RGS9: variants seen among roughly 807,000 people sequenced by gnomAD.
The protein encoded by RGS9 is regulator of G-protein signalling 9.
A neutral mutation model predicts 102.0 loss-of-function variants in RGS9; 78 were observed. That is an observed-to-expected ratio of 0.76 (90% confidence interval 0.64 to 0.92). The LOEUF is 0.92. Among genes scored for constraint, RGS9 ranks in the 40% least tolerant of loss-of-function variants. The pLI is 0.00. For synonymous variants in RGS9, 353 were observed against 318.6 expected (o/e 1.11, Z -1.15); for missense variants, 833 against 866.1 (o/e 0.96, Z 0.48).
intron 17 of RGS9, among the ~76,000 whole-genome samples, chr17:65,220,576 G>A (rs776003064): frequency 1.3e-5 from 2 of 152,196 alleles, no homozygotes; most frequent in Admixed American, 1.3e-4. Context: ...GCTTGGGGGC[G>A]GTGGGGAAGG....
intron 17 of RGS9, among the ~76,000 whole-genome samples, chr17:65,220,551 TA>T (rs987203683): frequency 2.0e-5 from 3 of 152,174 alleles, no homozygotes; most frequent in African/African-American, 7.2e-5. Flanking sequence ...CCCATGGGGC[TA>T]ACTTTGCACA....
intron 1 of RGS9, 91 bp from the exon 2 acceptor site, chr17:65,153,331 T>G: frequency 1.8e-6 from 2 of 1,108,260 alleles, no homozygotes; most frequent in Non-Finnish European, 2.8e-6. Flanking sequence ...CACCTTTGCA[T>G]TTTGAGGTCC....
intron 1 of RGS9, among the ~76,000 whole-genome samples, chr17:65,141,649 C>G (rs906312654): frequency 1.3e-5 from 2 of 152,100 alleles, no homozygotes; most frequent in African/African-American, 2.4e-5. Flanking sequence ...AACAAGGAGA[C>G]AAGAAGTGTT....
At chr17:65,210,344 C>G (rs983358394) in intron 16 of RGS9, 144 bp from the exon 17 acceptor site, 1 of 1,008,038 alleles carries the variant, frequency 9.9e-7, no homozygotes, top group East Asian at 2.4e-5. Flanking sequence ...CAAGGTTGGA[C>G]CCCACTGGAG....
At chr17:65,178,738 C>G (rs1911742868) in intron 9 of RGS9, among the ~76,000 whole-genome samples, 3 of 152,186 alleles carry the variant, frequency 2.0e-5, no homozygotes, top group Admixed American at 2.0e-4. Flanking sequence ...CTCCTGGGCT[C>G]AAGCAGTCCT....
chr17:65,225,404 C>A lies in RGS9; in HGVS notation c.1810C>A (p.Pro604Thr), dbSNP rs1279802548. 1 of 1,611,264 alleles carries A rather than the reference C, an allele frequency of 6.2e-7. No homozygotes were observed. The highest frequency in any genetic ancestry group is 8.5e-7 in the Non-Finnish European group (1 of 1,180,050). Residue 604 changes from proline to threonine, a missense_variant, in exon 18 of 19, where the codon CCT (proline) becomes ACT (threonine). This residue lies in a region of RGS9 where 320 missense variants were observed against 276.8 expected (regional missense o/e 1.16). Coordinates refer to ENST00000262406, the MANE Select transcript of RGS9 (RefSeq NM_003835.4). ...CTTTGCCAGGCTCTCACCCAAGTGC[C>A]CTGCTGTGTCCCACGGGAGGGTGCA... ...PVFARLSPKC[P>T]AVSHGRVQPL...
At chr17:65,152,072 C>T (rs1344223078) in intron 1 of RGS9, among the ~76,000 whole-genome samples, 3 of 152,124 alleles carry the variant, frequency 2.0e-5, no homozygotes, top group Admixed American at 6.6e-5. Flanking sequence ...TCTTGAGAAA[C>T]GGAGCAGGGC....
chr17:65,147,845 C>T (rs998360132), intron 1 of RGS9, among the ~76,000 whole-genome samples: 3 of 151,970 alleles, frequency 2.0e-5, no homozygotes, highest in Non-Finnish European at 4.4e-5. Context: ...TCTGCCTTAC[C>T]CTCCCAAAGT....
intron 2 of RGS9, among the ~76,000 whole-genome samples, chr17:65,155,542 TTTTG>T (rs759003381): frequency 1.1e-4 from 17 of 152,282 alleles, no homozygotes; most frequent in Non-Finnish European, 2.1e-4. Flanking sequence ...GTTTGTTTTG[TTTTG>T]TTTGTTTGTT....
rs773618198 is a variant in RGS9, at chr17:65,210,626, C to T, written c.1407+21C>T. On this transcript the variant is annotated intron_variant, in intron 17 of 18. Coordinates refer to ENST00000262406, the MANE Select transcript of RGS9 (RefSeq NM_003835.4). ...CCCAGGTCATGAGCAAGCTGGACCG[C>T]AGGAGCCAACTCCAAAAAGAGCTGC... 19 of 1,613,088 alleles carry T rather than the reference C, an allele frequency of 1.2e-5. No homozygotes were observed. In the South Asian group the frequency reaches 1.9e-4, roughly 16 times the overall value.
At position 65,145,567 on chromosome 17, in the gene RGS9, T is replaced by TTC. The variant is rs1555610746; in HGVS notation, c.58-7855_58-7854insTC. Among the ~76,000 whole-genome samples the TTC allele has an allele frequency of 2.8e-5, 3 of 107,420 alleles. No individual in the cohort carries two copies. In the South Asian group the frequency reaches 9.9e-4, roughly 35 times the overall value. The allele number at this position is 107,420 out of a possible 152,430, so 70.5% of individuals were successfully genotyped here. Reference sequence around the variant, plus strand: ...TCCTGGCTATTTTTTTTTTTTTTAATATATTTTTAATAGAGATGAGGTTTG... The same window carrying TTC: ...TCCTGGCTATTTTTTTTTTTTTTAATTCATATTTTTAATAGAGATGAGGTTTG... On this transcript the variant is annotated intron_variant, in intron 1 of 18. Coordinates refer to ENST00000262406, the MANE Select transcript of RGS9 (RefSeq NM_003835.4).
intron 2 of RGS9, among the ~76,000 whole-genome samples, chr17:65,154,573 G>C (rs12453147): frequency 6.6e-6 from 1 of 151,894 alleles, no homozygotes; most frequent in African/African-American, 2.4e-5. Flanking sequence ...TTGCTCCACC[G>C]TTTACCTTCT....
intron 8 of RGS9, 47 bp from the exon 9 acceptor site, chr17:65,177,685 T>C (rs764067248): frequency 2.6e-6 from 4 of 1,556,254 alleles, no homozygotes; most frequent in Non-Finnish European, 3.5e-6. Flanking sequence ...AACCAGAAAC[T>C]GGAGACTCTC....
rs533680202 is a variant in RGS9 at position 65,214,760 on chromosome 17, C to A, written c.1407+4155C>A. On this transcript the variant is annotated intron_variant, in intron 17 of 18. Coordinates refer to ENST00000262406, the MANE Select transcript of RGS9 (RefSeq NM_003835.4). ...CTGAGCAGCACACAGCTTGCATAAC[C>A]ATTTGGTGGCCCTGAGCACAGGGTC... Among the ~76,000 whole-genome samples, 3 of 152,290 alleles carry A rather than the reference C, an allele frequency of 2.0e-5. No individual in the cohort carries two copies. The East Asian group carries it at 5.8e-4, about 29-fold the overall frequency.
chr17:65,165,625 G>A (rs142657654), intron 7 of RGS9, among the ~76,000 whole-genome samples: 73 of 152,014 alleles, frequency 4.8e-4, no homozygotes, highest in African/African-American at 1.7e-3. Flanking sequence ...TCTTCCTCCA[G>A]TATCACCCAT....
chr17:65,193,673 T>C lies in RGS9; in HGVS notation c.860+17T>C. On this transcript the variant is annotated intron_variant, in intron 12 of 18. Coordinates refer to ENST00000262406, the MANE Select transcript of RGS9 (RefSeq NM_003835.4). Reference sequence around the variant, plus strand: ...TGCCAAATTGTATGTATTTTATATATTGGTGTTTTTTAAAAAACCGTTTTT... The same window carrying C: ...TGCCAAATTGTATGTATTTTATATACTGGTGTTTTTTAAAAAACCGTTTTT... The C allele has an allele frequency of 1.3e-6, 2 of 1,533,296 alleles. No homozygotes were observed. Among genetic ancestry groups the C allele is most frequent in the Non-Finnish European group, 1.8e-6 (2 of 1,106,362 alleles). The allele number at this position is 1,533,296 out of a possible 1,614,324, so 95.0% of individuals were successfully genotyped here.
intron 1 of RGS9, among the ~76,000 whole-genome samples, chr17:65,143,521 G>A (rs299825): frequency 0.77 from 117,328 of 152,154 alleles, 51,974 homozygotes; most frequent in Non-Finnish European, 0.98. Context: ...GGTGGCTCAC[G>A]CCTTTATCCC....
At chr17:65,199,221 A>G (rs1282384798) in intron 13 of RGS9, among the ~76,000 whole-genome samples, 1 of 152,224 alleles carries the variant, frequency 6.6e-6, no homozygotes, top group African/African-American at 2.4e-5. Flanking sequence ...TGTATTCACT[A>G]AATTGTGCAA....
rs1481096441 is a variant in RGS9 at position 65,225,275 on chromosome 17, C to T, written c.1681C>T (p.Leu561Phe). The change falls in exon 18 of 19, where the codon CTC (leucine) becomes TTC (phenylalanine). Residue 561 changes from leucine (L) to phenylalanine (F), a missense_variant. Physicochemically the swap from Leu to Phe is conservative, Grantham distance 22 (BLOSUM62 0). Transcript: ENST00000262406. The part of the protein sequence containing the change: ...PSVTESSEAS[L>F]DTSWPRSRPR... ...TGTCACCGAGAGCAGCGAGGCCTCCCTCGACACCTCCTGGCCTCGCAGCCG... is the reference window on the plus strand; with the variant it reads ...TGTCACCGAGAGCAGCGAGGCCTCCTTCGACACCTCCTGGCCTCGCAGCCG... 1 of 1,608,938 alleles carries T rather than the reference C, an allele frequency of 6.2e-7. No individual in the cohort carries two copies. Among genetic ancestry groups the T allele is most frequent in the Non-Finnish European group, 8.5e-7 (1 of 1,179,960 alleles).
Sources: allele counts gnomAD v4.1 joint callset (sites outside exome capture counted in the v4.1 genomes callset), GRCh38; gene constraint gnomAD v4.1.1; regional missense constraint gnomAD v4.1.1; transcripts MANE v1.5; gene names NCBI Gene and HGNC (gene_info 2026-07-23, HGNC 2026-07-21).